The following OTUD4 variants were observed in gnomAD, a reference collection of about 807,000 sequenced individuals.
OTUD4 encodes OTU deubiquitinase 4.
In OTUD4, 24 loss-of-function variants were observed where a neutral mutation model predicts 130.4. That is an observed-to-expected ratio of 0.18 (90% CI 0.13 to 0.26). The LOEUF (loss-of-function observed/expected upper bound fraction) is 0.26, where lower values mean the gene tolerates loss of function less well. Ranked by LOEUF, OTUD4 falls within the 10% of genes least tolerant of loss-of-function variation. OTUD4 has a pLI of 1.00. For missense variants in OTUD4, 1,031 were observed against 1,329.4 expected, an observed-to-expected ratio of 0.78 and a Z score of 3.49; for synonymous variants, 420 against 472.5, an observed-to-expected ratio of 0.89 and a Z score of 1.44.
At chr4:145,169,692 G>C (rs1032796103) in intron 3 of OTUD4, among the ~76,000 whole-genome samples, 7 of 152,086 alleles carry the variant, frequency 4.6e-5, no homozygotes, top group African/African-American at 1.4e-4. Flanking sequence ...TCACCATCTT[G>C]AACTCCTGAC....
chr4:145,153,849 T>A (rs1180271846), intron 10 of OTUD4, among the ~76,000 whole-genome samples: 2 of 152,224 alleles, frequency 1.3e-5, no homozygotes, highest in Non-Finnish European at 2.9e-5. Flanking sequence ...ATAAAAAAAT[T>A]CTTTTCTGAA....
intron 18 of OTUD4, among the ~76,000 whole-genome samples, 159 bp downstream of exon 18, chr4:145,142,037 T>C (rs568983280): frequency 2.4e-4 from 36 of 152,346 alleles, no homozygotes; most frequent in African/African-American, 8.2e-4. Flanking sequence ...GTACATGGTC[T>C]TTCCACATTG....
At chr4:145,140,855 G>C (rs1000076974) in intron 19 of OTUD4, among the ~76,000 whole-genome samples, 5 of 52,430 alleles carry the variant, frequency 9.5e-5, no homozygotes, top group African/African-American at 3.5e-4. Context: ...GCATTAACAA[G>C]TATGCTAGAA....
intron 13 of OTUD4, among the ~76,000 whole-genome samples, chr4:145,147,704 G>A (rs891102870): frequency 1.3e-5 from 2 of 152,144 alleles, no homozygotes; most frequent in Non-Finnish European, 2.9e-5. Context: ...TCCACAGGAA[G>A]AGACAATTAT....
chr4:145,145,721 G>A (rs1251036369), intron 14 of OTUD4, among the ~76,000 whole-genome samples: 2 of 152,148 alleles, frequency 1.3e-5, no homozygotes, highest in Non-Finnish European at 2.9e-5. Context: ...CATTCTACAT[G>A]AGAACAGTTT....
At position 145,179,914 on chromosome 4, in the gene OTUD4, C is replaced by G; in HGVS notation, c.60G>C (p.Glu20Asp). The G allele has an allele frequency of 6.5e-7, 1 of 1,528,340 alleles. No homozygotes were observed. The highest frequency in any genetic ancestry group is 1.2e-5 in the South Asian group (1 of 83,764). The allele number at this position is 1,528,340 out of a possible 1,614,324, so 94.7% of individuals were successfully genotyped here. The change falls in exon 1 of 21, where the codon GAG (glutamate) becomes GAC (aspartate). Residue 20 changes from glutamate to aspartate, a missense_variant. This residue lies in a region of OTUD4 where 54 missense variants were observed against 60.6 expected (regional missense o/e 0.89). Transcript: ENST00000447906. Reference sequence around the variant, plus strand: ...GATAGGCGTCCATGGGCGTCGCGTCCTCGCGGGGCCCCGCGCCGCCCTGGT... The same window carrying G: ...GATAGGCGTCCATGGGCGTCGCGTCGTCGCGGGGCCCCGCGCCGCCCTGGT... Reference protein sequence around the residue: ...GGDQGGAGPREDATPMDAYLR... With the variant: ...GGDQGGAGPRDDATPMDAYLR...
At chr4:145,141,881 G>C (rs1475951729) in intron 18 of OTUD4, among the ~76,000 whole-genome samples, 3 of 152,050 alleles carry the variant, frequency 2.0e-5, no homozygotes, top group African/African-American at 7.2e-5. Context: ...CTGGTCAAGG[G>C]GTTCATTACG....
intron 5 of OTUD4, among the ~76,000 whole-genome samples, chr4:145,163,749 C>T (rs1012282146): frequency 1.4e-4 from 21 of 150,332 alleles, no homozygotes; most frequent in African/African-American, 5.2e-4. Context: ...TCTTGATCCC[C>T]GGGCTGAAGT....
rs185468208 is a variant in OTUD4, at chr4:145,177,787, C to T, written c.159+2028G>A. Among the ~76,000 whole-genome samples, 669 of 152,288 alleles carry T rather than the reference C, an allele frequency of 4.4e-3. 3 individuals carry two copies. The highest frequency in any genetic ancestry group is 0.015 in the African/African-American group (615 of 41,562). On this transcript the variant is annotated intron_variant, in intron 1 of 20. Coordinates refer to ENST00000447906, the MANE Select transcript of OTUD4 (RefSeq NM_001366057.1). Reference sequence around the variant, plus strand: ...AAAATCCTAACTCGAGTCTCCTCCCCGTCTTTAAAAACTGCCACTTAGATT... The same window carrying T: ...AAAATCCTAACTCGAGTCTCCTCCCTGTCTTTAAAAACTGCCACTTAGATT...
intron 14 of OTUD4, among the ~76,000 whole-genome samples, chr4:145,145,377 T>C (rs923576196): frequency 2.0e-5 from 3 of 152,226 alleles, no homozygotes; most frequent in Non-Finnish European, 4.4e-5. Context: ...CTCCAATGCC[T>C]GTGCCAGATT....
At chr4:145,149,594 A>G (rs1041466432) in intron 13 of OTUD4, 5 of 152,206 alleles carry the variant, frequency 3.3e-5, no homozygotes, top group African/African-American at 9.7e-5. Flanking sequence ...AAGGAGTTTG[A>G]TCTGTAACTG....
At chr4:145,145,205 G>A (rs1286825992) in intron 14 of OTUD4, among the ~76,000 whole-genome samples, 3 of 152,130 alleles carry the variant, frequency 2.0e-5, no homozygotes, top group African/African-American at 7.2e-5. Context: ...ATGCATAATG[G>A]TATGAATACA....
intron 10 of OTUD4, among the ~76,000 whole-genome samples, chr4:145,154,702 G>C (rs1751202270): frequency 6.6e-6 from 1 of 152,096 alleles, no homozygotes; most frequent in African/African-American, 2.4e-5. Flanking sequence ...TTTTGTTAGA[G>C]GGAGATGAGG....
chr4:145,161,111 AAACAACAACAAC>A (rs70956827), intron 6 of OTUD4, among the ~76,000 whole-genome samples: 26 of 150,812 alleles, frequency 1.7e-4, no homozygotes, highest in East Asian at 6.0e-4. Context: ...CTCCACCTCA[AAACAACAACAAC>A]AACAACAACA....
rs1244864804 is a variant in OTUD4 at position 145,156,004 on chromosome 4, G to T, written c.630-8C>A. 4 of 1,606,032 alleles carry T rather than the reference G, an allele frequency of 2.5e-6. No individual in the cohort carries two copies. Among genetic ancestry groups the T allele is most frequent in the Non-Finnish European group, 3.4e-6 (4 of 1,176,446 alleles). ...GCAGCAGCAGTCTTACTCCTACAAA[G>T]AAAGATAACCATAATTGGGGCAGAA... On this transcript the variant is annotated splice_region_variant and splice_polypyrimidine_tract_variant and intron_variant, in intron 7 of 20. Coordinates refer to ENST00000447906, the MANE Select transcript of OTUD4 (RefSeq NM_001366057.1).
intron 6 of OTUD4, 64 bp from the exon 7 acceptor site, chr4:145,159,699 A>G (rs184029422): frequency 8.9e-6 from 13 of 1,468,728 alleles, no homozygotes; most frequent in Non-Finnish European, 1.1e-5. Flanking sequence ...AAACAGGAAC[A>G]GACCATCACA....
At chr4:145,158,805 T>C (rs1751421850) in intron 7 of OTUD4, among the ~76,000 whole-genome samples, 1 of 152,198 alleles carries the variant, frequency 6.6e-6, no homozygotes, top group South Asian at 2.1e-4. Context: ...CTATCTCAGA[T>C]TGAATCTCAT....
In OTUD4 at chr4:145,155,433, T is replaced by G; in HGVS notation, c.851A>C (p.Tyr284Ser). Residue 284 changes from tyrosine to serine, a missense_variant, in exon 10 of 21, where the codon TAT becomes TCT. This residue lies in a region of OTUD4 where 900 missense variants were observed against 1,095.9 expected (regional missense o/e 0.82). Coordinates refer to ENST00000447906, the MANE Select transcript of OTUD4 (RefSeq NM_001366057.1). ...RDYSIAAGLQ[Y>S]EVGDKCQVRL... ...TACTTGACATTTGTCTCCAACTTCA[T>G]ATTGTAAGCCAGCAGCAATGGAATA... The G allele has an allele frequency of 6.2e-7, 1 of 1,611,192 alleles. No homozygotes were observed. The highest frequency in any genetic ancestry group is 8.5e-7 in the Non-Finnish European group (1 of 1,179,112).
In OTUD4 at chr4:145,174,764, A is replaced by AAC; in HGVS notation, c.160-22_160-21dup. On this transcript the variant is annotated intron_variant, in intron 1 of 20. Transcript: ENST00000447906. Reference sequence around the variant, plus strand: ...CAATACCTAAAAAGAAAAGGCAACAAACACACTATTAAGCATTTAGTTAAA... The same window carrying AAC: ...CAATACCTAAAAAGAAAAGGCAACAAACACACACTATTAAGCATTTAGTTAAA... The AAC allele has an allele frequency of 7.0e-7, 1 of 1,428,226 alleles. No individual in the cohort carries two copies. Among genetic ancestry groups the AAC allele is most frequent in the Admixed American group, 1.7e-5 (1 of 59,756 alleles). 88.5% of individuals were successfully genotyped at this position (1,428,226 alleles called of 1,614,324 possible).
Sources: allele counts gnomAD v4.1 joint callset (sites outside exome capture counted in the v4.1 genomes callset), GRCh38; gene constraint gnomAD v4.1.1; regional missense constraint gnomAD v4.1.1; transcripts MANE v1.5; gene names NCBI Gene and HGNC (gene_info 2026-07-23, HGNC 2026-07-21).